The following RPS6KA2 variants were observed in gnomAD, a reference collection of about 807,000 sequenced individuals.
RPS6KA2 encodes the protein ribosomal protein S6 kinase A2.
In RPS6KA2, 42 loss-of-function variants were observed where a neutral mutation model predicts 91.8. The ratio of observed to expected loss-of-function variants is 0.46; its 90% CI spans 0.36 to 0.59. RPS6KA2 has a LOEUF of 0.59. RPS6KA2 is among the 20% of genes least tolerant of loss of function. The probability of loss-of-function intolerance (pLI) is 0.00; values close to 1 mark genes in which losing one functional copy is unlikely to be tolerated. For missense variants in RPS6KA2, 798 were observed against 978.5 expected (o/e 0.82, Z 2.46); for synonymous variants, 414 against 393.6 (o/e 1.05, Z -0.61).
chr6:166,773,850 G>A (rs1562431519), intron 2 of RPS6KA2, among the ~76,000 whole-genome samples: 1 of 152,132 alleles, frequency 6.6e-6, no homozygotes, highest in Non-Finnish European at 1.5e-5. Context: ...GACATAAAAC[G>A]CTTTGTGCAA....
intron 1 of RPS6KA2, among the ~76,000 whole-genome samples, chr6:166,550,750 C>T (rs567599564): frequency 6.6e-6 from 1 of 152,222 alleles, no homozygotes; most frequent in African/African-American, 2.4e-5. Flanking sequence ...CGCCTGTAAT[C>T]CCAGCACTTT....
rs1313519703 is a variant in RPS6KA2, at chr6:166,726,128, G to A, written c.123+132072C>T. Among the ~76,000 whole-genome samples, 9 of 117,798 alleles carry A rather than the reference G, an allele frequency of 7.6e-5. No homozygotes were observed. 77.3% of individuals were successfully genotyped at this position (117,798 alleles called of 152,430 possible). On this transcript the variant is annotated intron_variant, in intron 2 of 21. Coordinates refer to the RPS6KA2 transcript ENST00000503859. This position sits in a 1 kb window ranked among gnomAD's most constrained non-coding sequence, Gnocchi z 4.4. ...AATGCCCTTAGGCTACAATATAGAA[G>A]ATTTTTTTTTTTTTTTAGTTTAAAA...
rs142533914 is a variant in RPS6KA2 at position 166,583,631 on chromosome 6, C to T, written c.99+43290G>A. On this transcript the variant is annotated intron_variant, in intron 1 of 20. Transcript: ENST00000265678. ...CACGTGACAGTTTGTCATTAAAAAC[C>T]GAAGCTAAGCCCACTGAATTCCTGA... Among the ~76,000 whole-genome samples, 566 of 152,266 alleles carry T rather than the reference C, an allele frequency of 3.7e-3. 4 individuals are homozygous for T. Among genetic ancestry groups the T allele is most frequent in the African/African-American group, 0.013 (542 of 41,546 alleles).
intron 2 of RPS6KA2, among the ~76,000 whole-genome samples, chr6:166,637,435 TGAGAGGAACAATGAGCC>T (rs940315375): frequency 6.6e-6 from 1 of 152,222 alleles, no homozygotes; most frequent in African/African-American, 2.4e-5. Context: ...GCTCTGGCCC[TGAGAGGAACAATGAGCC>T]GAGAGGAACA....
At chr6:166,526,432 A>C (rs6903487) in intron 3 of RPS6KA2, among the ~76,000 whole-genome samples, 29,466 of 142,576 alleles carry the variant, frequency 0.21, 3,086 homozygotes, top group African/African-American at 0.28. Flanking sequence ...TGAAGCCTTG[A>C]GATCTTGGGC....
chr6:166,776,071 G>A (rs1778609281), intron 2 of RPS6KA2, among the ~76,000 whole-genome samples: 1 of 152,150 alleles, frequency 6.6e-6, no homozygotes, highest in Non-Finnish European at 1.5e-5. Context: ...TGGAGAGGAG[G>A]CTGGGGCGCT....
chr6:166,568,621 G>GAAAAAAAAAAAAAAAAAAAAAAAAA (rs60613942), intron 1 of RPS6KA2, among the ~76,000 whole-genome samples: 1 of 45,532 alleles, frequency 2.2e-5, no homozygotes, highest in Non-Finnish European at 4.1e-5. Context: ...CTCCATCTCA[G>GAAAAAAAAAAAAAAAAAAAAAAAAA]AAAAAAAAAA....
At chr6:166,704,762 G>A (rs1789629196) in intron 2 of RPS6KA2, among the ~76,000 whole-genome samples, 1 of 152,192 alleles carries the variant, frequency 6.6e-6, no homozygotes, top group African/African-American at 2.4e-5. Context: ...GCCTGTAACT[G>A]TCCTGTCTGC....
At position 166,434,579 on chromosome 6, in the gene RPS6KA2, C is replaced by T. The variant is rs558068430; in HGVS notation, c.1333-2089G>A. The stretch of plus-strand genomic sequence containing the variant: ...GTCTGCCTGTGGGCATCCCGTCTAT[C>T]GGGGCCGGGATCCTGTCTTTGCAAT... On this transcript the variant is annotated intron_variant, in intron 14 of 20. Transcript: ENST00000265678. This position sits in a 1 kb window ranked among gnomAD's most constrained non-coding sequence, Gnocchi z 4.4. 3.9e-5 allele frequency among the ~76,000 whole-genome samples: 6 copies of T among 152,278 alleles called. No homozygotes were observed. The highest frequency in any genetic ancestry group is 2.1e-4 in the South Asian group (1 of 4,824).
chr6:166,730,743 T>C (rs1341090232), intron 2 of RPS6KA2, among the ~76,000 whole-genome samples: 1 of 152,202 alleles, frequency 6.6e-6, no homozygotes, highest in Non-Finnish European at 1.5e-5. Flanking sequence ...GTACAATTAA[T>C]CAAAGAATAC....
chr6:166,842,224 A>C (rs1780501642), intron 2 of RPS6KA2, among the ~76,000 whole-genome samples: 1 of 152,212 alleles, frequency 6.6e-6, no homozygotes, highest in African/African-American at 2.4e-5. Flanking sequence ...TCCCCAAAAG[A>C]TACGTGAGTC....
chr6:166,437,575 C>T lies in RPS6KA2; in HGVS notation c.1333-5085G>A, dbSNP rs186620856. Among the ~76,000 whole-genome samples, 4 of 152,326 alleles carry T rather than the reference C, an allele frequency of 2.6e-5. No homozygotes were observed. In the East Asian group the frequency reaches 7.7e-4, roughly 29 times the overall value. On this transcript the variant is annotated intron_variant, in intron 14 of 20. Transcript: ENST00000265678. The surrounding 1 kb of genome is among the most constrained non-coding windows in gnomAD (Gnocchi z 4.3). Reference sequence around the variant, plus strand: ...GCATTCTCCAGGGGTTGGCCACCCACCACAGCCGGTAAATAAACTTTCCAT... The same window carrying T: ...GCATTCTCCAGGGGTTGGCCACCCATCACAGCCGGTAAATAAACTTTCCAT...
At chr6:166,455,467 G>C (rs1780070550) in intron 12 of RPS6KA2, among the ~76,000 whole-genome samples, 1 of 152,136 alleles carries the variant, frequency 6.6e-6, no homozygotes, top group African/African-American at 2.4e-5. Context: ...CCAGGTGTCG[G>C]CCCTCAAAGG....
intron 2 of RPS6KA2, among the ~76,000 whole-genome samples, chr6:166,782,575 C>T (rs1562436121): frequency 6.6e-6 from 1 of 152,130 alleles, no homozygotes; most frequent in African/African-American, 2.4e-5. Context: ...AAGCGTGACT[C>T]GATCCCGAGG....
chr6:166,520,377 C>T (rs532026071), intron 3 of RPS6KA2, among the ~76,000 whole-genome samples: 1 of 152,282 alleles, frequency 6.6e-6, no homozygotes, highest in East Asian at 1.9e-4. Flanking sequence ...CACCAGCTCT[C>T]CTGGTTCTCA....
intron 1 of RPS6KA2, among the ~76,000 whole-genome samples, chr6:166,622,679 A>G (rs1175578056): frequency 6.6e-6 from 1 of 152,212 alleles, no homozygotes; most frequent in African/African-American, 2.4e-5. Context: ...CACTTCCTTT[A>G]TTAGGATACC....
chr6:166,837,557 C>A (rs62438025), intron 2 of RPS6KA2, among the ~76,000 whole-genome samples: 2 of 152,140 alleles, frequency 1.3e-5, no homozygotes, highest in Non-Finnish European at 2.9e-5. Flanking sequence ...CCTCCCCCTG[C>A]GAGAAGGCTG....
intron 1 of RPS6KA2, among the ~76,000 whole-genome samples, chr6:166,625,334 C>A (rs1213905630): frequency 1.9e-3 from 92 of 47,854 alleles, no homozygotes; most frequent in South Asian, 3.5e-3. Flanking sequence ...CCCCCCCACC[C>A]CCCCCCCCGC....
intron 2 of RPS6KA2, among the ~76,000 whole-genome samples, chr6:166,694,775 G>T (rs1328578204): frequency 6.6e-6 from 1 of 152,166 alleles, no homozygotes. Flanking sequence ...TGAATGACCT[G>T]AGCCCTTACT....
Sources: allele counts gnomAD v4.1 joint callset (sites outside exome capture counted in the v4.1 genomes callset), GRCh38; gene constraint gnomAD v4.1.1; non-coding constraint Gnocchi (gnomAD v3.1); transcripts MANE v1.5; gene names NCBI Gene and HGNC (gene_info 2026-07-23, HGNC 2026-07-21).